The following ATP9B variants were observed in gnomAD, a reference collection of about 807,000 sequenced individuals.
The protein encoded by ATP9B is ATPase phospholipid transporting 9B, also known as probable phospholipid-transporting ATPase IIB.
In ATP9B, 110 loss-of-function variants were observed where a neutral mutation model predicts 146.1. The ratio of observed to expected loss-of-function variants is 0.75; its 90% CI spans 0.65 to 0.88. The LOEUF (loss-of-function observed/expected upper bound fraction) is 0.88. ATP9B is among the 40% of genes least tolerant of loss of function. The pLI is 0.00. For synonymous variants in ATP9B, 604 were observed against 569.7 expected (o/e 1.06, Z -0.86); for missense variants, 1,499 against 1,496.4 (o/e 1.00, Z -0.03).
intron 25 of ATP9B, 52 bp downstream of exon 25, chr18:79,348,248 G>C: frequency 4.9e-6 from 4 of 822,206 alleles, no homozygotes; most frequent in Non-Finnish European, 7.5e-6. Flanking sequence ...CTTCTATTTT[G>C]AAAAAAAAAA....
chr18:79,323,991 A>C (rs2096730514), intron 15 of ATP9B, among the ~76,000 whole-genome samples: 1 of 152,202 alleles, frequency 6.6e-6, no homozygotes, highest in Non-Finnish European at 1.5e-5. Context: ...AAGCCGTTTT[A>C]ACTGGGGTGA....
intron 18 of ATP9B, among the ~76,000 whole-genome samples, 178 bp from the exon 19 acceptor site, chr18:79,337,101 C>G: frequency 6.6e-6 from 1 of 151,638 alleles, no homozygotes; most frequent in Non-Finnish European, 1.5e-5. Context: ...ACACAGGCGC[C>G]TCCCACTCTG....
intron 5 of ATP9B, among the ~76,000 whole-genome samples, chr18:79,139,968 G>C (rs1471193576): frequency 6.6e-6 from 1 of 152,136 alleles, no homozygotes; most frequent in Non-Finnish European, 1.5e-5. Flanking sequence ...TAAACCTATC[G>C]TAGGATCTGA....
intron 6 of ATP9B, among the ~76,000 whole-genome samples, chr18:79,149,092 T>G (rs896388872): frequency 2.6e-5 from 4 of 152,230 alleles, no homozygotes; most frequent in South Asian, 2.1e-4. Context: ...TTCCCAAAAT[T>G]GTTTTGTACA....
At chr18:79,315,231 C>T (rs1018917321) in intron 15 of ATP9B, among the ~76,000 whole-genome samples, 2 of 152,118 alleles carry the variant, frequency 1.3e-5, no homozygotes, top group Non-Finnish European at 2.9e-5. Context: ...ATGCATGAGG[C>T]GTGCTGTATT....
chr18:79,253,094 T>A (rs953185465), intron 11 of ATP9B, among the ~76,000 whole-genome samples: 1 of 152,198 alleles, frequency 6.6e-6, no homozygotes, highest in Non-Finnish European at 1.5e-5. Context: ...GCGTTTCACT[T>A]TGCCTGAGCC....
chr18:79,182,658 T>C (rs2095263919), intron 8 of ATP9B, among the ~76,000 whole-genome samples: 1 of 151,730 alleles, frequency 6.6e-6, no homozygotes, highest in African/African-American at 2.4e-5. Flanking sequence ...TCATATTAGT[T>C]ACCACAACAT....
chr18:79,200,841 C>G (rs2095479521), intron 9 of ATP9B, among the ~76,000 whole-genome samples: 1 of 13,948 alleles, frequency 7.2e-5, no homozygotes, highest in South Asian at 2.4e-3. Flanking sequence ...TTCCAGGCCA[C>G]AATGCTCAGT....
intron 11 of ATP9B, among the ~76,000 whole-genome samples, chr18:79,215,337 G>T (rs1452732274): frequency 6.6e-6 from 1 of 152,128 alleles, no homozygotes; most frequent in Non-Finnish European, 1.5e-5. Context: ...ACTGGGGCAT[G>T]CCTTGAGAAC....
chr18:79,159,969 C>A (rs1052615575), intron 7 of ATP9B, among the ~76,000 whole-genome samples: 5 of 152,172 alleles, frequency 3.3e-5, no homozygotes, highest in Non-Finnish European at 5.9e-5. Flanking sequence ...AAGGTTCCAT[C>A]GATCTCTGCC....
At chr18:79,264,915 G>A (rs1047721834) in intron 12 of ATP9B, among the ~76,000 whole-genome samples, 3 of 152,096 alleles carry the variant, frequency 2.0e-5, no homozygotes, top group African/African-American at 4.8e-5. Flanking sequence ...ATAATAGTTC[G>A]ATGTTTGATA....
chr18:79,160,253 T>C (rs2094857756), intron 7 of ATP9B, among the ~76,000 whole-genome samples: 1 of 152,244 alleles, frequency 6.6e-6, no homozygotes, highest in African/African-American at 2.4e-5. Flanking sequence ...TTTAGTGTTT[T>C]TGTTGAATAA....
intron 20 of ATP9B, 99 bp from the exon 21 acceptor site, chr18:79,344,166 A>G (rs2096873512): frequency 8.8e-7 from 1 of 1,132,368 alleles, no homozygotes; most frequent in Non-Finnish European, 1.3e-6. Context: ...TAATAACCCC[A>G]GAACATTCCA....
At position 79,348,132 on chromosome 18, in the gene ATP9B, G is replaced by T. The variant is rs749657455; in HGVS notation, c.2839G>T (p.Ala947Ser). The change falls in exon 25 of 30, where the codon GCT (alanine) becomes TCT (serine). Residue 947 changes from alanine (A) to serine (S), a missense_variant and splice_region_variant. Transcript: ENST00000426216. ...CTTCGTCTGTGGGCTCTCTCTCCAG[G>T]CTGTGTTTTCCTCAGTCTTCTACTT... ...HRGLIISTMQ[A>S]VFSSVFYFAS... 1.2e-6 allele frequency: 2 copies of T among 1,613,688 alleles called. No individual in the cohort carries two copies. Among genetic ancestry groups the T allele is most frequent in the Non-Finnish European group, 1.7e-6 (2 of 1,179,964 alleles).
At position 79,110,454 on chromosome 18, in the gene ATP9B, C is replaced by G; in HGVS notation, c.393C>G (p.Pro131=). The G allele has an allele frequency of 6.2e-7, 1 of 1,613,002 alleles. No homozygotes were observed. The highest frequency in any genetic ancestry group is 8.5e-7 in the Non-Finnish European group (1 of 1,179,292). The change falls in exon 3 of 30, where the codon CCC becomes CCG. Residue 131 remains proline (P), a synonymous_variant. Transcript: ENST00000426216. Reference sequence around the variant, plus strand: ...CTGAAAAGTGTGAAGAAAAACATCCCAGGAATTCTATAAAAAATCAAAAAT... The same window carrying G: ...CTGAAAAGTGTGAAGAAAAACATCCGAGGAATTCTATAAAAAATCAAAAAT... ...GCPEKCEEKH[P]RNSIKNQKYN...
chr18:79,092,065 CTTTT>C (rs143955509), intron 1 of ATP9B, among the ~76,000 whole-genome samples: 111 of 152,156 alleles, frequency 7.3e-4, no homozygotes, highest in African/African-American at 2.6e-3. Flanking sequence ...ACTTGGCTTT[CTTTT>C]GACTAGTGTT....
chr18:79,363,003 CAATA>C (rs1277703914), intron 26 of ATP9B: 2 of 151,854 alleles, frequency 1.3e-5, no homozygotes, highest in African/African-American at 2.4e-5. Flanking sequence ...GTGAATAAGA[CAATA>C]AAAGGAAATT....
intron 13 of ATP9B, among the ~76,000 whole-genome samples, chr18:79,281,884 G>T (rs1384360483): frequency 6.6e-6 from 1 of 152,194 alleles, no homozygotes; most frequent in Non-Finnish European, 1.5e-5. Context: ...GATAGATCTG[G>T]CCAAATCAAA....
At chr18:79,349,334 G>A (rs1369407781) in intron 25 of ATP9B, among the ~76,000 whole-genome samples, 5 of 152,190 alleles carry the variant, frequency 3.3e-5, no homozygotes, top group Admixed American at 2.0e-4. Flanking sequence ...TGCTCTTGGC[G>A]TTGAACGTGC....
Sources: allele counts gnomAD v4.1 joint callset (sites outside exome capture counted in the v4.1 genomes callset), GRCh38; gene constraint gnomAD v4.1.1; transcripts MANE v1.5; gene names NCBI Gene and HGNC (gene_info 2026-07-23, HGNC 2026-07-21).